Variants in ERICH6B observed in about 807,000 individuals in gnomAD.
The protein encoded by ERICH6B is glutamate rich 6B.
ERICH6B carries 69 observed loss-of-function variants against 80.0 expected under a neutral mutation model. The ratio of observed to expected loss-of-function variants is 0.86; its 90% confidence interval spans 0.71 to 1.05. ERICH6B has a LOEUF of 1.05. Ranked by LOEUF, ERICH6B falls within the 50% of genes least tolerant of loss-of-function variation. The pLI is 0.00. For missense variants in ERICH6B, 754 were observed against 796.1 expected (o/e 0.95, Z 0.64); for synonymous variants, 283 against 291.9 (o/e 0.97, Z 0.31).
intron 11 of ERICH6B, among the ~76,000 whole-genome samples, chr13:45,556,052 A>G (rs1413670445): frequency 6.6e-6 from 1 of 150,696 alleles, no homozygotes; most frequent in Non-Finnish European, 1.5e-5. Context: ...CTTGTCCCAA[A>G]TGGCCTTCCC....
intron 9 of ERICH6B, among the ~76,000 whole-genome samples, chr13:45,566,943 C>G (rs1273331045): frequency 6.6e-6 from 1 of 152,236 alleles, no homozygotes; most frequent in Non-Finnish European, 1.5e-5. Flanking sequence ...GGGAGGGAGG[C>G]TATACCCTGC....
At chr13:45,571,555 C>T (rs374305151) in intron 8 of ERICH6B, among the ~76,000 whole-genome samples, 28 of 152,158 alleles carry the variant, frequency 1.8e-4, no homozygotes, top group African/African-American at 4.6e-4. Context: ...ATCCTCTCTC[C>T]GTCTAAGGCT....
At position 45,596,817 on chromosome 13, in the gene ERICH6B, C is replaced by T. The variant is rs12020217; in HGVS notation, c.189G>A (p.Glu63=). ...CTTCCTCTTCCAGATCCTCTTCCTC[C>T]TCCAGATACTCTTTGTCCTCCAGAG... ...GESLEDKEYL[E]EEEDLEEEEY... Residue 63 remains glutamate, a synonymous_variant, in exon 3 of 15, where the codon GAG becomes GAA. Transcript: ENST00000298738. 1.2e-5 allele frequency: 19 copies of T among 1,551,700 alleles called. No individual in the cohort carries two copies. Among genetic ancestry groups the T allele is most frequent in the Non-Finnish European group, 1.6e-5 (18 of 1,147,032 alleles).
At chr13:45,552,261 A>T (rs1013076620) in intron 11 of ERICH6B, among the ~76,000 whole-genome samples, 2 of 152,102 alleles carry the variant, frequency 1.3e-5, no homozygotes, top group African/African-American at 2.4e-5. Context: ...ATTATAATAG[A>T]TGTTTTGCAT....
chr13:45,571,368 A>G (rs1022374472), intron 8 of ERICH6B, among the ~76,000 whole-genome samples: 2 of 150,658 alleles, frequency 1.3e-5, no homozygotes, highest in Non-Finnish European at 3.0e-5. Flanking sequence ...ATTCCCTCCA[A>G]CCATTTTTTT....
intron 11 of ERICH6B, 42 bp from the exon 12 acceptor site, chr13:45,550,358 A>G: frequency 1.3e-6 from 2 of 1,495,460 alleles, no homozygotes; most frequent in Non-Finnish European, 1.8e-6. Flanking sequence ...TGAAAAGTAC[A>G]TGGGTACCAA....
At chr13:45,615,075 G>A (rs1949920216) in intron 1 of ERICH6B, among the ~76,000 whole-genome samples, 1 of 152,220 alleles carries the variant, frequency 6.6e-6, no homozygotes, top group African/African-American at 2.4e-5. Context: ...AACTTTCAAG[G>A]AGGGTGACTT....
At chr13:45,567,025 A>C (rs1324611018) in intron 9 of ERICH6B, among the ~76,000 whole-genome samples, 1 of 152,240 alleles carries the variant, frequency 6.6e-6, no homozygotes, top group Non-Finnish European at 1.5e-5. Context: ...TGGATGTGAG[A>C]CATGGAGTTA....
chr13:45,602,509 G>A (rs1449779998), intron 2 of ERICH6B, among the ~76,000 whole-genome samples: 1 of 152,152 alleles, frequency 6.6e-6, no homozygotes, highest in Non-Finnish European at 1.5e-5. Context: ...AGTCCTGGGG[G>A]AGCCAGGATG....
chr13:45,578,035 G>A (rs865915900), intron 7 of ERICH6B, among the ~76,000 whole-genome samples: 5 of 152,168 alleles, frequency 3.3e-5, no homozygotes, highest in African/African-American at 9.7e-5. Context: ...TCAGGCTCCC[G>A]AATCTTTTCC....
In ERICH6B at chr13:45,546,112, A is replaced by G. The variant is rs540576205; in HGVS notation, c.1647-1127T>C. Among the ~76,000 whole-genome samples the G allele has an allele frequency of 2.6e-5, 4 of 152,294 alleles. No individual in the cohort carries two copies. The South Asian group carries it at 8.3e-4, about 32-fold the overall frequency. ...GAATTCCTGTTGCCCAGCCTTGTGC[A>G]GGGCACCCATATTGATAGGTACAAG... On this transcript the variant is annotated intron_variant, in intron 13 of 14. Coordinates refer to ENST00000298738, the MANE Select transcript of ERICH6B (RefSeq NM_182542.3).
intron 8 of ERICH6B, among the ~76,000 whole-genome samples, chr13:45,570,123 T>C (rs1308088904): frequency 6.6e-6 from 1 of 152,074 alleles, no homozygotes; most frequent in Non-Finnish European, 1.5e-5. Flanking sequence ...TCTTATGGGG[T>C]TTATTCCATT....
At chr13:45,581,401 G>C (rs1342711223) in intron 5 of ERICH6B, among the ~76,000 whole-genome samples, 2 of 152,170 alleles carry the variant, frequency 1.3e-5, no homozygotes, top group African/African-American at 4.8e-5. Flanking sequence ...TTTTGAGACA[G>C]AGTCTCACTC....
At chr13:45,593,341 C>T (rs1876232415) in intron 3 of ERICH6B, among the ~76,000 whole-genome samples, 1 of 152,142 alleles carries the variant, frequency 6.6e-6, no homozygotes, top group Admixed American at 6.5e-5. Context: ...GTCCATTTCA[C>T]AAAGCAGGTA....
At chr13:45,579,385 T>C (rs1241619190) in intron 7 of ERICH6B, among the ~76,000 whole-genome samples, 3 of 152,246 alleles carry the variant, frequency 2.0e-5, no homozygotes, top group African/African-American at 7.2e-5. Flanking sequence ...TGTGTTCTAA[T>C]GAGGATGGGT....
At chr13:45,559,348 G>T (rs1340081720) in intron 11 of ERICH6B, among the ~76,000 whole-genome samples, 2 of 151,878 alleles carry the variant, frequency 1.3e-5, no homozygotes, top group African/African-American at 4.8e-5. Context: ...TCTTTTCAAA[G>T]AACCAACTTT....
chr13:45,541,826 C>T (rs901258539), intron 14 of ERICH6B, 146 bp from the exon 15 acceptor site: 13 of 704,028 alleles, frequency 1.8e-5, no homozygotes, highest in African/African-American at 1.8e-4. Flanking sequence ...GCCCTGCCAC[C>T]TGCCACCTTC....
intron 5 of ERICH6B, among the ~76,000 whole-genome samples, chr13:45,583,733 C>T (rs760099133): frequency 1.3e-5 from 2 of 152,168 alleles, no homozygotes; most frequent in African/African-American, 2.4e-5. Flanking sequence ...AAACTTCTTT[C>T]GTTTGGTTCT....
intron 11 of ERICH6B, among the ~76,000 whole-genome samples, chr13:45,561,010 C>T (rs1566289179): frequency 2.0e-5 from 3 of 152,226 alleles, no homozygotes; most frequent in South Asian, 2.1e-4. Context: ...ACTGCAGCCT[C>T]GAACTCCTGG....
Sources: allele counts gnomAD v4.1 joint callset (sites outside exome capture counted in the v4.1 genomes callset), GRCh38; gene constraint gnomAD v4.1.1; transcripts MANE v1.5; gene names NCBI Gene and HGNC (gene_info 2026-07-23, HGNC 2026-07-21).